The following HMCN2 variants were observed in gnomAD, a reference collection of about 807,000 sequenced individuals.
HMCN2 encodes hemicentin 2, also known as hemicentin-2.
A neutral mutation model predicts 377.5 loss-of-function variants in HMCN2; 325 were observed. The ratio of observed to expected loss-of-function variants is 0.86; its 90% CI spans 0.79 to 0.94. HMCN2 has a LOEUF of 0.94. Among genes scored for constraint, HMCN2 ranks in the 40% least tolerant of loss-of-function variants. The probability of loss-of-function intolerance (pLI) is 0.00; values close to 1 mark genes in which losing one functional copy is unlikely to be tolerated. For synonymous variants in HMCN2, 2,007 were observed against 2,046.8 expected (o/e 0.98, Z 0.53); for missense variants, 4,543 against 4,725.3 (o/e 0.96, Z 1.13).
In HMCN2 at chr9:130,351,437, G is replaced by A; in HGVS notation, c.4445G>A (p.Gly1482Glu). The part of the protein sequence containing the change: ...WTKDRQPVLP[G>E]GPHLQVQEDG... ...CGTCTCTCCAGGCCTGTCCTTCCGG[G>A]AGGCCCTCACCTGCAGGTCCAGGAG... The change falls in exon 30 of 98, where the codon GGA (glycine) becomes GAA (glutamate). Residue 1482 changes from glycine to glutamate, a missense_variant. Coordinates refer to ENST00000683500, the MANE Select transcript of HMCN2 (RefSeq NM_001291815.2). This position sits in a 1 kb window ranked among gnomAD's most constrained non-coding sequence, Gnocchi z 5.4. 1 of 1,304,102 alleles carries A rather than the reference G, an allele frequency of 7.7e-7. No homozygotes were observed. The highest frequency in any genetic ancestry group is 1.0e-6 in the Non-Finnish European group (1 of 988,864). 80.8% of individuals were successfully genotyped at this position (1,304,102 alleles called of 1,614,324 possible). A position where few individuals can be genotyped will look rare whatever the true frequency, so the allele number is the denominator to read the frequency against.
At chr9:130,287,337 C>G (rs1276219580) in intron 4 of HMCN2, among the ~76,000 whole-genome samples, 1 of 152,074 alleles carries the variant, frequency 6.6e-6, no homozygotes, top group Non-Finnish European at 1.5e-5. Flanking sequence ...CCGCCCGGGG[C>G]CTTTGCTGGT....
intron 71 of HMCN2, 147 bp from the exon 72 acceptor site, chr9:130,395,777 G>A (rs895018647): frequency 3.8e-6 from 3 of 787,338 alleles, no homozygotes; most frequent in Non-Finnish European, 5.2e-6. Context: ...GGTCCTCGGC[G>A]GGGCACAGTC....
intron 82 of HMCN2, 50 bp from the exon 83 acceptor site, chr9:130,407,521 G>C: frequency 1.6e-6 from 2 of 1,274,104 alleles, no homozygotes; most frequent in Non-Finnish European, 2.0e-6. Flanking sequence ...CACCAGGGAA[G>C]TGTTTAGGGC....
Position 130,349,027 on chromosome 9 carries a change from C to G in HMCN2, c.4199C>G (p.Ser1400Cys). ...GGHRLLDEGQ[S>C]LHFPRIQEGD... The stretch of plus-strand genomic sequence containing the variant: ...CACCGCCTCCTGGACGAGGGCCAGT[C>G]CCTCCACTTCCCCAGGATCCAGGAG... Residue 1400 changes from serine to cysteine, a missense_variant, in exon 28 of 98, where the codon TCC becomes TGC. By Grantham distance (112) the Ser-to-Cys change is moderately radical (BLOSUM62 -1). Coordinates refer to ENST00000683500, the MANE Select transcript of HMCN2 (RefSeq NM_001291815.2). 7.7e-7 allele frequency: 1 copy of G among 1,304,228 alleles called. No individual in the cohort carries two copies. The highest frequency in any genetic ancestry group is 1.0e-6 in the Non-Finnish European group (1 of 988,934). The allele number at this position is 1,304,228 out of a possible 1,614,324, so 80.8% of individuals were successfully genotyped here.
Position 130,427,740 on chromosome 9 carries a change from T to C in HMCN2, c.14065+121T>C. The C allele has an allele frequency of 4.8e-6, 6 of 1,238,250 alleles. No individual in the cohort carries two copies. In the South Asian group the frequency reaches 6.3e-5, roughly 13 times the overall value. 76.7% of individuals were successfully genotyped at this position (1,238,250 alleles called of 1,614,324 possible). Reference sequence around the variant, plus strand: ...ACAGACCTGCAGGGATGGCCAATTCTTGAGGGTTTTGATGTCAGCCTGGGG... The same window carrying C: ...ACAGACCTGCAGGGATGGCCAATTCCTGAGGGTTTTGATGTCAGCCTGGGG... On this transcript the variant is annotated intron_variant, in intron 92 of 97. Coordinates refer to ENST00000683500, the MANE Select transcript of HMCN2 (RefSeq NM_001291815.2).
In HMCN2 at chr9:130,295,045, C is replaced by A; in HGVS notation, c.784+19C>A. 1 of 440,336 alleles carries A rather than the reference C, an allele frequency of 2.3e-6. No homozygotes were observed. Among genetic ancestry groups the A allele is most frequent in the South Asian group, 1.7e-5 (1 of 59,740 alleles). 27.3% of individuals were successfully genotyped at this position (440,336 alleles called of 1,614,324 possible). A position where few individuals can be genotyped will look rare whatever the true frequency, so the allele number is the denominator to read the frequency against. On this transcript the variant is annotated intron_variant, in intron 5 of 97. Coordinates refer to ENST00000683500, the MANE Select transcript of HMCN2 (RefSeq NM_001291815.2). ...CCGCTGGGTATGGACCACCCCGGGGCTGGCCTCCTCTTTGGCCCCAAGACT... is the reference window on the plus strand; with the variant it reads ...CCGCTGGGTATGGACCACCCCGGGGATGGCCTCCTCTTTGGCCCCAAGACT...
chr9:130,289,667 C>A (rs537450655), intron 4 of HMCN2, among the ~76,000 whole-genome samples: 1 of 152,038 alleles, frequency 6.6e-6, no homozygotes, highest in East Asian at 1.9e-4. Flanking sequence ...TGCCATCCCA[C>A]CCCCCCGTGC....
intron 25 of HMCN2, among the ~76,000 whole-genome samples, chr9:130,342,953 C>G (rs1393469921): frequency 6.6e-6 from 1 of 152,220 alleles, no homozygotes; most frequent in Non-Finnish European, 1.5e-5. Flanking sequence ...CGAACCCTGC[C>G]CTGGCCCTTC....
intron 76 of HMCN2, 31 bp downstream of exon 76, chr9:130,399,663 C>A (rs1378911178): frequency 7.9e-7 from 1 of 1,268,626 alleles, no homozygotes. Context: ...AGGGGGACAC[C>A]TGGGGTGGGG....
At chr9:130,385,444 CGGGG>C (rs1841970967) in intron 59 of HMCN2, 112 bp from the exon 60 acceptor site, 1 of 610,720 alleles carries the variant, frequency 1.6e-6, no homozygotes, top group African/African-American at 1.9e-5. Flanking sequence ...CGCCAGCCCC[CGGGG>C]CTGGGTCTGC....
In HMCN2 at chr9:130,414,613, CT is replaced by C. The variant is rs145783637; in HGVS notation, c.12961+3977del. ...CAGATATCAGGTAATCTGATAAGGA[CT>C]TTTTTTTTTTTTTTTAAGACAAGGT... On this transcript the variant is annotated intron_variant, in intron 85 of 97. Transcript: ENST00000683500. The surrounding 1 kb of genome is among the most constrained non-coding windows in gnomAD (Gnocchi z 4.4). Among the ~76,000 whole-genome samples, 44,301 of 140,568 alleles carry C rather than the reference CT, an allele frequency of 0.32. 7,282 individuals carry two copies. The highest frequency in any genetic ancestry group is 0.45 in the Middle Eastern group (125 of 280). The allele number at this position is 140,568 out of a possible 152,430, so 92.2% of individuals were successfully genotyped here.
At chr9:130,319,998 C>A (rs1442614078) in intron 16 of HMCN2, among the ~76,000 whole-genome samples, 5 of 152,172 alleles carry the variant, frequency 3.3e-5, no homozygotes, top group Non-Finnish European at 7.3e-5. Flanking sequence ...CATGCTGTCA[C>A]ACACATATAA....
At chr9:130,349,992 G>A (rs1031684415) in intron 29 of HMCN2, among the ~76,000 whole-genome samples, 1 of 134,056 alleles carries the variant, frequency 7.5e-6, no homozygotes, top group Non-Finnish European at 1.6e-5. Context: ...CAAACTCCTG[G>A]GCTTCTTGGG....
intron 43 of HMCN2, among the ~76,000 whole-genome samples, chr9:130,366,790 C>T (rs1010466111): frequency 6.6e-6 from 1 of 152,160 alleles, no homozygotes; most frequent in Non-Finnish European, 1.5e-5. Flanking sequence ...GTACCAGGCC[C>T]TGTTCTAGGC....
intron 82 of HMCN2, chr9:130,406,498 C>G: frequency 3.7e-6 from 1 of 273,722 alleles, no homozygotes; most frequent in Non-Finnish European, 7.3e-6. Context: ...GCTGGGGGCC[C>G]GTGGGGACTC....
In HMCN2 at chr9:130,400,814, C is replaced by G; in HGVS notation, c.11637C>G (p.Asp3879Glu). 7.8e-7 allele frequency: 1 copy of G among 1,289,036 alleles called. No individual in the cohort carries two copies. Among genetic ancestry groups the G allele is most frequent in the African/African-American group, 1.5e-5 (1 of 65,958 alleles). 79.8% of individuals were successfully genotyped at this position (1,289,036 alleles called of 1,614,324 possible). Residue 3879 changes from aspartate to glutamate, a missense_variant, in exon 77 of 98, where the codon GAC becomes GAG. By Grantham distance (45) the Asp-to-Glu change is conservative. Transcript: ENST00000683500. ...CCACCATTGCCGATGACCAGACAGACTTCACCGTGACCATGATGGCACCTG... is the reference window on the plus strand; with the variant it reads ...CCACCATTGCCGATGACCAGACAGAGTTCACCGTGACCATGATGGCACCTG... The part of the protein sequence containing the change: ...VPPTIADDQT[D>E]FTVTMMAPVV...
At chr9:130,325,119 A>G (rs1342791666) in intron 19 of HMCN2, among the ~76,000 whole-genome samples, 1 of 141,362 alleles carries the variant, frequency 7.1e-6, no homozygotes, top group African/African-American at 2.6e-5. Flanking sequence ...TTTGTAGACA[A>G]GAGTCTCACT....
In HMCN2 at chr9:130,417,561, G is replaced by C. The variant is rs545058318; in HGVS notation, c.12962-1211G>C. ...AACAAAAAAAAACGAGAGAGACAGA[G>C]AGCTGGGGTGGTGTGGCAGGGGAGA... is the stretch of plus-strand genomic sequence containing the variant. On this transcript the variant is annotated intron_variant, in intron 85 of 97. Transcript: ENST00000683500. 8.4e-4 allele frequency among the ~76,000 whole-genome samples: 127 copies of C among 151,068 alleles called. No homozygotes were observed. The South Asian group carries it at 0.025, about 30-fold the overall frequency.
intron 82 of HMCN2, chr9:130,406,402 C>T: frequency 2.9e-6 from 1 of 348,544 alleles, no homozygotes; most frequent in South Asian, 2.2e-5. Flanking sequence ...AGACTCAACC[C>T]AGAGACCTCA....
Sources: gnomAD v4.1 joint callset for allele counts (sites outside exome capture counted in the v4.1 genomes callset) on GRCh38, gnomAD v4.1.1 for gene constraint, Gnocchi (gnomAD v3.1) non-coding constraint, MANE v1.5 for transcripts, NCBI Gene and HGNC (gene_info 2026-07-23, HGNC 2026-07-21) for gene names.